Variants in CUL5 observed in about 807,000 individuals in gnomAD.
CUL5 encodes the protein cullin 5.
Under a neutral mutation model 108.8 loss-of-function variants are expected in CUL5, and 26 were observed. The observed-to-expected ratio is 0.24, with a 90% CI of 0.18 to 0.33. CUL5 has a LOEUF of 0.33. Among genes scored for constraint, CUL5 ranks in the 10% least tolerant of loss-of-function variants. The pLI is 1.00. For missense variants in CUL5, 524 were observed against 909.2 expected (o/e 0.58, Z 5.45); for synonymous variants, 334 against 298.0 (o/e 1.12, Z -1.25).
chr11:108,068,041 G>T (rs370053463), intron 7 of CUL5, among the ~76,000 whole-genome samples: 2 of 151,846 alleles, frequency 1.3e-5, no homozygotes, highest in African/African-American at 4.8e-5. Context: ...CAATTCTCCT[G>T]CCTCAGCCTC....
In CUL5 at chr11:108,071,988, G is replaced by A. The variant is rs534498806; in HGVS notation, c.875-344G>A. On this transcript the variant is annotated intron_variant, in intron 8 of 18. Transcript: ENST00000393094. ...GCCCCGAAGTTTGAGACCAGCTTGG[G>A]CAACATTGGGAGACCCTGTCTCTAC... is the stretch of plus-strand genomic sequence containing the variant. 2.6e-5 allele frequency among the ~76,000 whole-genome samples: 4 copies of A among 152,190 alleles called. No homozygotes were observed. In the East Asian group the frequency reaches 7.7e-4, roughly 29 times the overall value.
At chr11:108,041,474 A>G (rs2135108138) in intron 2 of CUL5, among the ~76,000 whole-genome samples, 1 of 150,926 alleles carries the variant, frequency 6.6e-6, no homozygotes, top group African/African-American at 2.4e-5. Context: ...ACGGGGTTTC[A>G]CTATGTTGAC....
At chr11:108,086,265 A>G (rs1864220924) in intron 11 of CUL5, among the ~76,000 whole-genome samples, 2 of 152,206 alleles carry the variant, frequency 1.3e-5, no homozygotes, top group Non-Finnish European at 2.9e-5. Flanking sequence ...TAAAACTTTT[A>G]AAACAGCCAC....
intron 10 of CUL5, among the ~76,000 whole-genome samples, chr11:108,076,377 T>C (rs1057327674): frequency 2.0e-5 from 3 of 152,140 alleles, no homozygotes; most frequent in Non-Finnish European, 2.9e-5. Context: ...GTACATTAGC[T>C]CTCTAGACTT....
chr11:108,091,696 C>CAA (rs1491492714), intron 13 of CUL5, among the ~76,000 whole-genome samples: 1 of 8,174 alleles, frequency 1.2e-4, no homozygotes, highest in African/African-American at 5.1e-4. Flanking sequence ...CTCTCTCACT[C>CAA]ACACACACAC....
At chr11:108,096,488 A>C (rs1864499739) in intron 16 of CUL5, among the ~76,000 whole-genome samples, 3 of 151,900 alleles carry the variant, frequency 2.0e-5, no homozygotes, top group African/African-American at 4.8e-5. Context: ...CCATCTCAAA[A>C]ATTTTTTTTT....
chr11:108,080,303 G>A (rs1005201637), intron 11 of CUL5, among the ~76,000 whole-genome samples: 1 of 151,792 alleles, frequency 6.6e-6, no homozygotes, highest in Non-Finnish European at 1.5e-5. Flanking sequence ...TGCTCAGGCT[G>A]GTGTCGAACT....
In CUL5 at chr11:108,061,675, C is replaced by G. The variant is rs577186894; in HGVS notation, c.780+6720C>G. ...TTTGCCTCCCTTCCCTCCTGCATTC[C>G]TATATTTAAAAATAAATTTATGATG... On this transcript the variant is annotated intron_variant, in intron 7 of 18. Transcript: ENST00000393094. Among the ~76,000 whole-genome samples, 5 of 152,106 alleles carry G rather than the reference C, an allele frequency of 3.3e-5. No homozygotes were observed. The East Asian group carries it at 9.6e-4, about 29-fold the overall frequency.
chr11:108,048,648 C>CTTTTTTTTTTTTTTTTTT lies in CUL5; in HGVS notation c.235-1223_235-1206dup, dbSNP rs200991204. Among the ~76,000 whole-genome samples, 165 of 116,828 alleles carry CTTTTTTTTTTTTTTTTTT rather than the reference C, an allele frequency of 1.4e-3. 2 individuals carry two copies. The highest frequency in any genetic ancestry group is 2.0e-3 in the Non-Finnish European group (117 of 58,964). 76.6% of individuals were successfully genotyped at this position (116,828 alleles called of 152,430 possible). A position where few individuals can be genotyped will look rare whatever the true frequency, so the allele number is the denominator to read the frequency against. ...ATAGTGGGGAAATAGACTCCACCACCTTTTTTTTTTTTTTTTTTTTTTTTT... is the reference window on the plus strand; with the variant it reads ...ATAGTGGGGAAATAGACTCCACCACCTTTTTTTTTTTTTTTTTTTTTTTTTTTTTTTTTTTTTTTTTTT... On this transcript the variant is annotated intron_variant, in intron 3 of 18. Coordinates refer to ENST00000393094, the MANE Select transcript of CUL5 (RefSeq NM_003478.6).
At chr11:108,034,206 T>C (rs1269054232) in intron 2 of CUL5, among the ~76,000 whole-genome samples, 1 of 152,120 alleles carries the variant, frequency 6.6e-6, no homozygotes, top group Non-Finnish European at 1.5e-5. Context: ...AAGCACATGC[T>C]TCCAAGAAGA....
chr11:108,038,245 G>A (rs1333579444), intron 2 of CUL5, among the ~76,000 whole-genome samples: 1 of 152,318 alleles, frequency 6.6e-6, no homozygotes, highest in East Asian at 1.9e-4. Context: ...GCCAGTCTGT[G>A]TTGATAAGAT....
At chr11:108,082,304 C>T (rs1249345914) in intron 11 of CUL5, among the ~76,000 whole-genome samples, 2 of 142,344 alleles carry the variant, frequency 1.4e-5, no homozygotes, top group Non-Finnish European at 3.0e-5. Flanking sequence ...TTTTTTAAGA[C>T]AGGGTCCACT....
chr11:108,079,852 C>T (rs1260667561), intron 11 of CUL5, among the ~76,000 whole-genome samples: 7 of 152,134 alleles, frequency 4.6e-5, no homozygotes, highest in Non-Finnish European at 1.0e-4. Flanking sequence ...ACACTGTGTA[C>T]TTCTTGTGTA....
chr11:108,020,526 GTGTT>G (rs1296338164), intron 1 of CUL5, among the ~76,000 whole-genome samples: 2 of 141,642 alleles, frequency 1.4e-5, no homozygotes, highest in African/African-American at 5.1e-5. Context: ...GCAGCTGAAT[GTGTT>G]TGTGATTTTT....
chr11:108,102,735 TA>T (rs1864703307), intron 18 of CUL5, among the ~76,000 whole-genome samples: 1 of 152,232 alleles, frequency 6.6e-6, no homozygotes. Context: ...TTTTAAACGT[TA>T]AAAGCAAATG....
At position 108,093,160 on chromosome 11, in the gene CUL5, A is replaced by G. The variant is rs984735051; in HGVS notation, c.1444-1231A>G. Reference sequence around the variant, plus strand: ...TTATGGTAGATAAATTATCTGACACAGTAAAGCTGTTAATAAAGAGTAGTT... The same window carrying G: ...TTATGGTAGATAAATTATCTGACACGGTAAAGCTGTTAATAAAGAGTAGTT... On this transcript the variant is annotated intron_variant, in intron 13 of 18. Coordinates refer to ENST00000393094, the MANE Select transcript of CUL5 (RefSeq NM_003478.6). Among the ~76,000 whole-genome samples, 4 of 152,356 alleles carry G rather than the reference A, an allele frequency of 2.6e-5. No homozygotes were observed. In the South Asian group the frequency reaches 8.3e-4, roughly 32 times the overall value.
chr11:108,034,536 T>G (rs1306614756), intron 2 of CUL5, among the ~76,000 whole-genome samples: 1 of 152,154 alleles, frequency 6.6e-6, no homozygotes, highest in Non-Finnish European at 1.5e-5. Flanking sequence ...TCAGGGGTGC[T>G]GGTAGTTGGT....
At chr11:108,071,291 C>T (rs185084742) in intron 8 of CUL5, among the ~76,000 whole-genome samples, 16 of 152,242 alleles carry the variant, frequency 1.1e-4, no homozygotes, top group East Asian at 5.8e-4. Flanking sequence ...GACTGGGTCT[C>T]GCTGTGTTGC....
intron 1 of CUL5, among the ~76,000 whole-genome samples, chr11:108,023,899 A>G (rs569843506): frequency 3.0e-4 from 45 of 152,308 alleles, no homozygotes; most frequent in African/African-American, 8.9e-4. Context: ...GGAAAGAGAT[A>G]TTTAACTTCT....
Sources: gnomAD v4.1 joint callset for allele counts (sites outside exome capture counted in the v4.1 genomes callset) on GRCh38, gnomAD v4.1.1 for gene constraint, MANE v1.5 for transcripts, NCBI Gene and HGNC (gene_info 2026-07-23, HGNC 2026-07-21) for gene names.